The following DHCR24 variants were observed in gnomAD, a reference collection of about 807,000 sequenced individuals.
DHCR24 encodes the protein 24-dehydrocholesterol reductase.
DHCR24 carries 28 observed loss-of-function variants against 61.2 expected under a neutral mutation model. The ratio of observed to expected loss-of-function variants is 0.46; its 90% CI spans 0.34 to 0.63. The LOEUF (loss-of-function observed/expected upper bound fraction) is 0.63, where lower values mean the gene tolerates loss of function less well. Among genes scored for constraint, DHCR24 ranks in the 20% least tolerant of loss-of-function variants. The pLI is 0.01. For missense variants in DHCR24, 538 were observed against 679.1 expected (o/e 0.79, Z 2.31); for synonymous variants, 261 against 275.9 (o/e 0.95, Z 0.54).
rs370452458 is a variant in DHCR24 at position 54,865,475 on chromosome 1, C to T, written c.877-29G>A. 25 of 1,613,436 alleles carry T rather than the reference C, an allele frequency of 1.5e-5. No homozygotes were observed. In the African/African-American group the frequency reaches 2.9e-4, roughly 19 times the overall value. ...AAATGACAGAGGGCATTGTGATCAG[C>T]CTGCAGACAAGCGCCCAGCACCATC... On this transcript the variant is annotated intron_variant, in intron 5 of 8. Coordinates refer to ENST00000371269, the MANE Select transcript of DHCR24 (RefSeq NM_014762.4).
Position 54,876,883 on chromosome 1 carries a change from C to T in DHCR24, c.388-836G>A, listed in dbSNP as rs369070505. On this transcript the variant is annotated intron_variant, in intron 2 of 8. Transcript: ENST00000371269. The stretch of plus-strand genomic sequence containing the variant: ...TCCTGACAACATGTGCCCAAGGAGG[C>T]TGGTGCACAGCTTGATCTTACACAT... Among the ~76,000 whole-genome samples, 18 of 151,812 alleles carry T rather than the reference C, an allele frequency of 1.2e-4. 1 individual carries two copies. The highest frequency in any genetic ancestry group is 7.9e-4 in the Admixed American group (12 of 15,266).
chr1:54,873,126 T>C (rs1211068463), intron 4 of DHCR24, among the ~76,000 whole-genome samples: 1 of 152,230 alleles, frequency 6.6e-6, no homozygotes, highest in Non-Finnish European at 1.5e-5. Context: ...CTAATCACTT[T>C]TACTTACACG....
rs188537228 is a variant in DHCR24, at chr1:54,878,917, A to G, written c.388-2870T>C. Among the ~76,000 whole-genome samples, 18 of 152,370 alleles carry G rather than the reference A, an allele frequency of 1.2e-4. No individual in the cohort carries two copies. In the East Asian group the frequency reaches 3.5e-3, roughly 29 times the overall value. On this transcript the variant is annotated intron_variant, in intron 2 of 8. Coordinates refer to ENST00000371269, the MANE Select transcript of DHCR24 (RefSeq NM_014762.4). ...AATGAGAAAAATCAATCAATCAAAC[A>G]GACCCAGAACTGACATAGATATTAG...
At chr1:54,860,487 C>T (rs913082325) in intron 6 of DHCR24, among the ~76,000 whole-genome samples, 2 of 152,274 alleles carry the variant, frequency 1.3e-5, no homozygotes, top group South Asian at 2.1e-4. Context: ...AGGTAGGGTC[C>T]CCCTGGCCCC....
intron 6 of DHCR24, among the ~76,000 whole-genome samples, chr1:54,863,834 G>T (rs1646952214): frequency 6.6e-6 from 1 of 152,108 alleles, no homozygotes; most frequent in African/African-American, 2.4e-5. Context: ...AATACACAAA[G>T]AACTCTTACA....
intron 5 of DHCR24, among the ~76,000 whole-genome samples, chr1:54,867,780 A>G (rs642737): frequency 0.62 from 94,884 of 151,900 alleles, 30,293 homozygotes; most frequent in South Asian, 0.79. Context: ...ACACTGTCTG[A>G]GCTTTGGCCT....
chr1:54,868,801 G>A (rs1424136403), intron 5 of DHCR24, among the ~76,000 whole-genome samples: 1 of 151,886 alleles, frequency 6.6e-6, no homozygotes. Context: ...GGTGCAGTGG[G>A]TCACGCCTGT....
chr1:54,855,547 T>G (rs1039667891), intron 6 of DHCR24, among the ~76,000 whole-genome samples: 2 of 152,108 alleles, frequency 1.3e-5, no homozygotes, highest in Non-Finnish European at 2.9e-5. Flanking sequence ...TGGATGAGTG[T>G]GGGAAGAGTG....
At chr1:54,860,788 A>T (rs975015736) in intron 6 of DHCR24, among the ~76,000 whole-genome samples, 1 of 152,080 alleles carries the variant, frequency 6.6e-6, no homozygotes, top group African/African-American at 2.4e-5. Context: ...GATCGAGACC[A>T]TCCTGGCTAA....
chr1:54,877,241 C>T (rs1447571149), intron 2 of DHCR24, among the ~76,000 whole-genome samples: 1 of 151,846 alleles, frequency 6.6e-6, no homozygotes, highest in Non-Finnish European at 1.5e-5. Context: ...ACAACACACA[C>T]AAACCAAAAG....
intron 6 of DHCR24, among the ~76,000 whole-genome samples, chr1:54,855,394 C>CAAAAAA (rs34849017): frequency 1.7e-5 from 2 of 117,700 alleles, no homozygotes; most frequent in South Asian, 5.6e-4. Flanking sequence ...ACTCCGTCTC[C>CAAAAAA]AAAAAAAAAA....
intron 6 of DHCR24, among the ~76,000 whole-genome samples, chr1:54,864,354 A>G (rs1646956008): frequency 6.6e-5 from 10 of 152,222 alleles, no homozygotes. Flanking sequence ...TCATATAATG[A>G]ACTACTATCC....
At chr1:54,859,188 T>C (rs1043996454) in intron 6 of DHCR24, among the ~76,000 whole-genome samples, 1 of 152,126 alleles carries the variant, frequency 6.6e-6, no homozygotes, top group Non-Finnish European at 1.5e-5. Flanking sequence ...GAGGAACCCA[T>C]GTGGCAAGGA....
intron 2 of DHCR24, among the ~76,000 whole-genome samples, chr1:54,877,865 G>C (rs1168583093): frequency 6.6e-6 from 1 of 151,846 alleles, no homozygotes; most frequent in African/African-American, 2.4e-5. Flanking sequence ...CAAAAAATTA[G>C]CTGGGTGTGG....
intron 2 of DHCR24, among the ~76,000 whole-genome samples, chr1:54,876,579 G>C (rs1037423627): frequency 2.6e-5 from 4 of 151,818 alleles, no homozygotes; most frequent in African/African-American, 7.3e-5. Flanking sequence ...ACTTGAACCT[G>C]GGAGGTGGAG....
intron 1 of DHCR24, among the ~76,000 whole-genome samples, chr1:54,884,949 G>A (rs1570205577): frequency 1.3e-5 from 2 of 152,180 alleles, no homozygotes; most frequent in African/African-American, 2.4e-5. Flanking sequence ...AGATGGAGAT[G>A]GGGGACAGAG....
chr1:54,875,280 T>TG (rs1647020804), intron 3 of DHCR24, 69 bp from the exon 4 acceptor site: 3 of 1,406,062 alleles, frequency 2.1e-6, no homozygotes, highest in African/African-American at 1.4e-5. Flanking sequence ...GGGTTGGAGC[T>TG]GGGGGGCCTC....
chr1:54,883,408 C>T lies in DHCR24; in HGVS notation c.387+210G>A, dbSNP rs1272764550. Among the ~76,000 whole-genome samples, 1 of 152,152 alleles carries T rather than the reference C, an allele frequency of 6.6e-6. No individual in the cohort carries two copies. The highest frequency in any genetic ancestry group is 2.4e-5 in the African/African-American group (1 of 41,438). On this transcript the variant is annotated intron_variant, in intron 2 of 8. Coordinates refer to ENST00000371269, the MANE Select transcript of DHCR24 (RefSeq NM_014762.4). The surrounding 1 kb of genome is among the most constrained non-coding windows in gnomAD (Gnocchi z 4.3). ...CCATTCCTGACTTCCTGTGGAAACG[C>T]AAAGGGTTCCCCTGACCTATTATGA...
intron 6 of DHCR24, among the ~76,000 whole-genome samples, chr1:54,858,320 A>T (rs1646918667): frequency 6.6e-6 from 1 of 152,210 alleles, no homozygotes; most frequent in Non-Finnish European, 1.5e-5. Context: ...AAGGTGACAC[A>T]ACTCTGGAGG....
Sources: gnomAD v4.1 joint callset for allele counts (sites outside exome capture counted in the v4.1 genomes callset) on GRCh38, gnomAD v4.1.1 for gene constraint, Gnocchi (gnomAD v3.1) non-coding constraint, MANE v1.5 for transcripts, NCBI Gene and HGNC (gene_info 2026-07-23, HGNC 2026-07-21) for gene names.